KLHDC1: variants seen among roughly 807,000 people sequenced by gnomAD.
KLHDC1 encodes the protein kelch domain-containing protein 1.
Under a neutral mutation model 68.3 loss-of-function variants are expected in KLHDC1, and 53 were observed. The observed-to-expected ratio is 0.78, with a 90% CI of 0.62 to 0.98. The LOEUF (loss-of-function observed/expected upper bound fraction) is 0.98. Ranked by LOEUF, KLHDC1 falls within the 50% of genes least tolerant of loss-of-function variation. The pLI is 0.00. For synonymous variants in KLHDC1, 148 were observed against 159.0 expected (o/e 0.93, Z 0.52); for missense variants, 470 against 492.3 (o/e 0.95, Z 0.43).
chr14:49,718,307 G>A (rs1405120743), intron 4 of KLHDC1, among the ~76,000 whole-genome samples: 2 of 152,074 alleles, frequency 1.3e-5, no homozygotes, highest in African/African-American at 2.4e-5. Flanking sequence ...TTTTGAGACA[G>A]GGTCTCACCT....
At chr14:49,726,995 A>G (rs1474534466) in intron 6 of KLHDC1, among the ~76,000 whole-genome samples, 1 of 152,210 alleles carries the variant, frequency 6.6e-6, no homozygotes, top group East Asian at 1.9e-4. Flanking sequence ...CTGTAATCCT[A>G]GCACTTTGGG....
At chr14:49,725,607 C>G in intron 5 of KLHDC1, 79 bp from the exon 6 acceptor site, 2 of 782,566 alleles carry the variant, frequency 2.6e-6, no homozygotes, top group Non-Finnish European at 4.1e-6. Context: ...GTTATTTTAC[C>G]AGTAAATATG....
chr14:49,707,181 A>G (rs1413816009), intron 1 of KLHDC1, among the ~76,000 whole-genome samples: 2 of 151,830 alleles, frequency 1.3e-5, no homozygotes, highest in African/African-American at 4.8e-5. Flanking sequence ...ATAGGAATCT[A>G]GTTTTTTTCT....
At chr14:49,723,974 A>G (rs1158310362) in intron 5 of KLHDC1, 22 bp downstream of exon 5, 2 of 1,434,548 alleles carry the variant, frequency 1.4e-6, no homozygotes, top group Non-Finnish European at 1.9e-6. Flanking sequence ...ATCACTGTTT[A>G]CATTTTCCTC....
chr14:49,701,154 G>T (rs1438945440), intron 1 of KLHDC1, among the ~76,000 whole-genome samples: 2 of 152,014 alleles, frequency 1.3e-5, no homozygotes, highest in South Asian at 2.1e-4. Flanking sequence ...AGACTATTTT[G>T]TATTTAAAAG....
intron 11 of KLHDC1, 95 bp from the exon 12 acceptor site, chr14:49,743,658 A>G (rs1889122671): frequency 1.2e-5 from 9 of 750,912 alleles, no homozygotes; most frequent in South Asian, 5.2e-5. Context: ...GCCTTATACA[A>G]TATCTTTTAC....
rs1888655141 is a variant in KLHDC1 at position 49,725,720 on chromosome 14, T to G, written c.518T>G (p.Val173Gly). Residue 173 changes from valine (V) to glycine (G), a missense_variant, in exon 6 of 13, where the codon GTC (valine) becomes GGC (glycine). By Grantham distance (109) the Val-to-Gly change is moderately radical. Coordinates refer to ENST00000359332, the MANE Select transcript of KLHDC1 (RefSeq NM_172193.3). ...EQIFWGWHND[V>G]HIFDTKTQTW... ...ATATTCTGGGGATGGCATAATGATG[T>G]CCACATATTTGACACAAAGACACAG... 1.4e-6 allele frequency: 2 copies of G among 1,476,440 alleles called. No individual in the cohort carries two copies. Among genetic ancestry groups the G allele is most frequent in the South Asian group, 1.2e-5 (1 of 82,162 alleles). 91.5% of individuals were successfully genotyped at this position (1,476,440 alleles called of 1,614,324 possible).
intron 7 of KLHDC1, 84 bp downstream of exon 7, chr14:49,729,093 C>A: frequency 1.1e-6 from 1 of 913,634 alleles, no homozygotes; most frequent in Non-Finnish European, 1.8e-6. Flanking sequence ...AATAATTGAA[C>A]ATTCATGTAA....
intron 11 of KLHDC1, 60 bp downstream of exon 11, chr14:49,740,242 G>A (rs1267379732): frequency 1.1e-6 from 1 of 939,612 alleles, no homozygotes; most frequent in African/African-American, 1.7e-5. Flanking sequence ...ACACTAAATG[G>A]CTATTCAGCA....
At chr14:49,697,138 G>A (rs1014088521) in intron 1 of KLHDC1, among the ~76,000 whole-genome samples, 26 of 152,124 alleles carry the variant, frequency 1.7e-4, no homozygotes, top group Non-Finnish European at 3.5e-4. Flanking sequence ...GGGTTTCACC[G>A]TGTTAGCCAG....
At chr14:49,718,996 C>T (rs1279613739) in intron 4 of KLHDC1, among the ~76,000 whole-genome samples, 1 of 151,836 alleles carries the variant, frequency 6.6e-6, no homozygotes, top group Non-Finnish European at 1.5e-5. Context: ...CCAAACTGGT[C>T]TCTAACTCCT....
chr14:49,713,455 T>A lies in KLHDC1; in HGVS notation c.404+3074T>A, dbSNP rs533896907. Among the ~76,000 whole-genome samples the A allele has an allele frequency of 2.6e-5, 4 of 152,266 alleles. No homozygotes were observed. In the East Asian group the frequency reaches 7.7e-4, roughly 29 times the overall value. Reference sequence around the variant, plus strand: ...ACTTTCTTTAACTGTTTATTAACCCTAAGATACTGTTTGTATAGGAAAATC... The same window carrying A: ...ACTTTCTTTAACTGTTTATTAACCCAAAGATACTGTTTGTATAGGAAAATC... On this transcript the variant is annotated intron_variant, in intron 4 of 12. Transcript: ENST00000359332.
intron 4 of KLHDC1, among the ~76,000 whole-genome samples, chr14:49,713,836 A>T (rs1218268603): frequency 0.27 from 835 of 3,086 alleles, 140 homozygotes; most frequent in Middle Eastern, 0.5. Flanking sequence ...ATATATATAT[A>T]TATATATATA....
At chr14:49,728,603 G>C (rs947471425) in intron 6 of KLHDC1, among the ~76,000 whole-genome samples, 4 of 152,124 alleles carry the variant, frequency 2.6e-5, no homozygotes, top group Admixed American at 6.6e-5. Flanking sequence ...GGGAGAGAGA[G>C]AACATTTTAA....
At chr14:49,713,842 A>ATTTTTT (rs1566603026) in intron 4 of KLHDC1, among the ~76,000 whole-genome samples, 1 of 28,494 alleles carries the variant, frequency 3.5e-5, no homozygotes, top group Non-Finnish European at 6.3e-5. Context: ...ATATATATAT[A>ATTTTTT]TATATATATT....
intron 10 of KLHDC1, among the ~76,000 whole-genome samples, chr14:49,738,176 AATT>A (rs1309176060): frequency 1.3e-5 from 2 of 150,482 alleles, no homozygotes; most frequent in African/African-American, 2.4e-5. Context: ...TACAGGCGAA[AATT>A]ATTATTTGTT....
chr14:49,744,723 A>G (rs1432411381), intron 12 of KLHDC1, among the ~76,000 whole-genome samples: 1 of 152,028 alleles, frequency 6.6e-6, no homozygotes, highest in Non-Finnish European at 1.5e-5. Flanking sequence ...AATTACAAGA[A>G]AAAAAAAGTC....
chr14:49,725,511 T>A (rs1888646182), intron 5 of KLHDC1, 175 bp from the exon 6 acceptor site: 1 of 504,642 alleles, frequency 2.0e-6, no homozygotes, highest in South Asian at 3.6e-5. Flanking sequence ...CTGCTACTGG[T>A]CTGGGGACCA....
chr14:49,740,783 ATAT>A (rs1235356570), intron 11 of KLHDC1, among the ~76,000 whole-genome samples: 1 of 152,102 alleles, frequency 6.6e-6, no homozygotes, highest in East Asian at 1.9e-4. Context: ...GGTTTCTCTA[ATAT>A]TATTGAATTA....
Sources: allele counts gnomAD v4.1 joint callset (sites outside exome capture counted in the v4.1 genomes callset), GRCh38; gene constraint gnomAD v4.1.1; transcripts MANE v1.5; gene names NCBI Gene and HGNC (gene_info 2026-07-23, HGNC 2026-07-21).